LOC400499: variants seen among roughly 807,000 people sequenced by gnomAD.
chr16:11,490,134 C>A, the LOC400499 span, among the ~76,000 whole-genome samples: 1 of 152,148 alleles, frequency 6.6e-6, no homozygotes, highest in East Asian at 1.9e-4. Context: ...GTGGCTCATC[C>A]CTGTCATCTC....
chr16:11,402,237 G>A, the LOC400499 span: 1 of 398,806 alleles, frequency 2.5e-6, no homozygotes, highest in Non-Finnish European at 4.4e-6. Flanking sequence ...GGGTTCAGGG[G>A]ACTCAACTGA....
the LOC400499 span, among the ~76,000 whole-genome samples, chr16:11,434,408 G>C: frequency 6.6e-6 from 1 of 152,148 alleles, no homozygotes; most frequent in South Asian, 2.1e-4. Context: ...TGTGATTCCA[G>C]CTACTAGAGA....
chr16:11,458,058 G>T, the LOC400499 span, among the ~76,000 whole-genome samples: 1 of 152,044 alleles, frequency 6.6e-6, no homozygotes. Context: ...CAAAAAATTA[G>T]CCAGGGCTGG....
the LOC400499 span, chr16:11,469,230 G>A: frequency 2.6e-4 from 103 of 399,460 alleles, no homozygotes; most frequent in African/African-American, 1.8e-3. Context: ...ACCCGTGTGG[G>A]CACTCCCAAG....
At chr16:11,486,873 TGGGTGGGG>T in the LOC400499 span, among the ~76,000 whole-genome samples, 1 of 42,526 alleles carries the variant, frequency 2.4e-5, no homozygotes, top group African/African-American at 1.0e-4. Flanking sequence ...GAATGGATGA[TGGGTGGGG>T]GGGTGGGGGG....
chr16:11,389,902 C>T, the LOC400499 span, among the ~76,000 whole-genome samples: 2 of 152,146 alleles, frequency 1.3e-5, no homozygotes, highest in Non-Finnish European at 2.9e-5. Flanking sequence ...TCCTGAAATC[C>T]TGCCTACCCT....
At chr16:11,412,404 G>C in the LOC400499 span, among the ~76,000 whole-genome samples, 1 of 152,166 alleles carries the variant, frequency 6.6e-6, no homozygotes, top group African/African-American at 2.4e-5. Flanking sequence ...GTCCCTGGGG[G>C]GAAACTCGCC....
At chr16:11,507,760 C>T in the LOC400499 span, among the ~76,000 whole-genome samples, 7 of 151,948 alleles carry the variant, frequency 4.6e-5, no homozygotes, top group Admixed American at 3.9e-4. Flanking sequence ...GGCAAAACCC[C>T]GTCTCTACAA....
the LOC400499 span, chr16:11,493,759 A>G: frequency 2.5e-6 from 1 of 393,614 alleles, no homozygotes; most frequent in East Asian, 3.6e-5. Flanking sequence ...CATGGCTGCC[A>G]AGCCCGCGTT....
At chr16:11,495,998 A>G in the LOC400499 span, among the ~76,000 whole-genome samples, 1 of 151,684 alleles carries the variant, frequency 6.6e-6, no homozygotes, top group Non-Finnish European at 1.5e-5. Flanking sequence ...TCTGTGCTAG[A>G]CCCACGTCAC....
At chr16:11,466,927 G>A in the LOC400499 span, among the ~76,000 whole-genome samples, 1 of 149,836 alleles carries the variant, frequency 6.7e-6, no homozygotes, top group East Asian at 1.9e-4. Context: ...TGTATTGTGT[G>A]TGTGTGTGTG....
the LOC400499 span, among the ~76,000 whole-genome samples, chr16:11,410,781 A>G: frequency 6.6e-6 from 1 of 152,190 alleles, no homozygotes; most frequent in Non-Finnish European, 1.5e-5. Flanking sequence ...GGAGCTCCGG[A>G]TCTGGGCACA....
chr16:11,383,512 T>G, the LOC400499 span: 1 of 1,030,236 alleles, frequency 9.7e-7, no homozygotes, highest in African/African-American at 1.7e-5. Flanking sequence ...TCTTAATAAA[T>G]GTTGTGACTC....
chr16:11,472,178 C>T, the LOC400499 span: 1 of 188,498 alleles, frequency 5.3e-6, no homozygotes, highest in South Asian at 2.0e-4. Context: ...AGCTGAGAAC[C>T]CCTGGTAGAC....
At chr16:11,447,904 G>C in the LOC400499 span, 1 of 1,524,550 alleles carries the variant, frequency 6.6e-7, no homozygotes. Flanking sequence ...ACTTGCAGGG[G>C]TGTCAGCTGA....
At chr16:11,428,022 G>A in the LOC400499 span, among the ~76,000 whole-genome samples, 1 of 152,166 alleles carries the variant, frequency 6.6e-6, no homozygotes, top group South Asian at 2.1e-4. Flanking sequence ...AAAGTCCACG[G>A]TGCAAAGCAA....
At chr16:11,388,414 G>C in the LOC400499 span, among the ~76,000 whole-genome samples, 1 of 152,300 alleles carries the variant, frequency 6.6e-6, no homozygotes, top group Admixed American at 6.5e-5. Flanking sequence ...TGGGGAAACT[G>C]AGGCACAGAG....
the LOC400499 span, among the ~76,000 whole-genome samples, chr16:11,458,993 T>C: frequency 1.1e-4 from 16 of 151,362 alleles, no homozygotes; most frequent in Non-Finnish European, 1.6e-4. Context: ...GCCAAGATCA[T>C]ACCATTGCAC....
the LOC400499 span, among the ~76,000 whole-genome samples, chr16:11,415,862 C>T: frequency 4.6e-5 from 7 of 152,296 alleles, no homozygotes; most frequent in Admixed American, 3.9e-4. Flanking sequence ...GAGGTCAACT[C>T]AGACTGGGGA....
Sources: gnomAD v4.1 joint callset for allele counts (sites outside exome capture counted in the v4.1 genomes callset) on GRCh38, gnomAD v4.1.1 for gene constraint, MANE v1.5 for transcripts.